Variants in GALNT11 observed in about 807,000 individuals in gnomAD.
The protein encoded by GALNT11 is UDP-GalNAc:polypeptide N-acetylgalactosaminyltransferase 11.
Under a neutral mutation model 72.7 loss-of-function variants are expected in GALNT11, and 47 were observed. The ratio of observed to expected loss-of-function variants is 0.65; its 90% CI spans 0.51 to 0.82. GALNT11 has a LOEUF of 0.82. Ranked by LOEUF, GALNT11 falls within the 40% of genes least tolerant of loss-of-function variation. GALNT11 has a pLI of 0.00. For missense variants in GALNT11, 677 were observed against 778.4 expected (o/e 0.87, Z 1.55); for synonymous variants, 270 against 286.6 (o/e 0.94, Z 0.58).
intron 1 of GALNT11, among the ~76,000 whole-genome samples, chr7:152,049,454 C>T (rs988131308): frequency 1.3e-5 from 2 of 152,144 alleles, no homozygotes; most frequent in African/African-American, 4.8e-5. Context: ...GGTAGAGATG[C>T]TTTTTGTCTT....
At chr7:152,099,530 GT>G (rs1009548038) in intron 2 of GALNT11, among the ~76,000 whole-genome samples, 259 of 57,764 alleles carry the variant, frequency 4.5e-3, no homozygotes, top group African/African-American at 0.016. Flanking sequence ...CTCCCGCCTA[GT>G]TTTTTTTTTT....
rs140519995 is a variant in GALNT11, at chr7:152,069,188, G to A, written c.-38-25002G>A. Among the ~76,000 whole-genome samples, 221 of 152,204 alleles carry A rather than the reference G, an allele frequency of 1.5e-3. 1 individual carries two copies. Among genetic ancestry groups the A allele is most frequent in the African/African-American group, 5.1e-3 (211 of 41,552 alleles). On this transcript the variant is annotated intron_variant, in intron 1 of 11. Transcript: ENST00000430044. Reference sequence around the variant, plus strand: ...ATTGTTTAATTTTTGAGACTTCTTAGACCCATGGGTTATTTAGAAATGTGT... The same window carrying A: ...ATTGTTTAATTTTTGAGACTTCTTAAACCCATGGGTTATTTAGAAATGTGT...
At chr7:152,040,472 A>G (rs1293806221) in intron 1 of GALNT11, among the ~76,000 whole-genome samples, 1 of 152,198 alleles carries the variant, frequency 6.6e-6, no homozygotes, top group African/African-American at 2.4e-5. Context: ...AGGCATTAAC[A>G]TGGGTTAAAT....
chr7:152,097,473 A>G (rs747655319), intron 2 of GALNT11, among the ~76,000 whole-genome samples: 4 of 152,200 alleles, frequency 2.6e-5, no homozygotes, highest in Admixed American at 6.6e-5. Context: ...TAGAATTATC[A>G]TATAACCCAG....
intron 9 of GALNT11, 171 bp from the exon 10 acceptor site, chr7:152,118,507 G>A: frequency 1.8e-6 from 1 of 561,576 alleles, no homozygotes; most frequent in Non-Finnish European, 3.1e-6. Flanking sequence ...CTATCTTGAT[G>A]CTCCTGTGTT....
chr7:152,053,364 T>G (rs1368713031), intron 1 of GALNT11, among the ~76,000 whole-genome samples: 1 of 152,194 alleles, frequency 6.6e-6, no homozygotes, highest in Non-Finnish European at 1.5e-5. Context: ...AAACTGAAAA[T>G]GTACAGGTTG....
intron 1 of GALNT11, among the ~76,000 whole-genome samples, chr7:152,031,622 A>G (rs944503584): frequency 1.3e-5 from 2 of 152,182 alleles, no homozygotes; most frequent in Non-Finnish European, 2.9e-5. Context: ...TTGCTACTAC[A>G]TCAATTTCCT....
At chr7:152,121,409 C>A in intron 11 of GALNT11, 137 bp from the exon 12 acceptor site, 7 of 966,620 alleles carry the variant, frequency 7.2e-6, no homozygotes, top group Non-Finnish European at 1.1e-5. Context: ...AGATAACAAA[C>A]AGCAGAAAAC....
At chr7:152,079,811 T>A (rs916482090) in intron 1 of GALNT11, among the ~76,000 whole-genome samples, 5 of 152,250 alleles carry the variant, frequency 3.3e-5, no homozygotes, top group Admixed American at 2.6e-4. Flanking sequence ...TGTTGTAAAT[T>A]AATATTTGTA....
intron 1 of GALNT11, among the ~76,000 whole-genome samples, chr7:152,028,670 C>T (rs1406235116): frequency 3.9e-5 from 6 of 152,148 alleles, no homozygotes; most frequent in African/African-American, 1.2e-4. Flanking sequence ...GCCAGCTTCA[C>T]CTCTCAATCC....
intron 5 of GALNT11, among the ~76,000 whole-genome samples, chr7:152,106,558 T>C (rs1587408470): frequency 1.3e-5 from 2 of 152,340 alleles, no homozygotes; most frequent in East Asian, 3.9e-4. Flanking sequence ...AAAAACTTAC[T>C]GAATTGGCTG....
intron 1 of GALNT11, among the ~76,000 whole-genome samples, chr7:152,071,100 G>A (rs1421464749): frequency 6.6e-6 from 1 of 152,256 alleles, no homozygotes; most frequent in Non-Finnish European, 1.5e-5. Flanking sequence ...AATTAAAATT[G>A]CTAATGAAGT....
Position 152,061,547 on chromosome 7 carries a change from G to C in GALNT11, c.-38-32643G>C, listed in dbSNP as rs536445727. Among the ~76,000 whole-genome samples the C allele has an allele frequency of 9.2e-3, 1,394 of 151,712 alleles. 12 individuals are homozygous for C. The highest frequency in any genetic ancestry group is 0.027 in the Middle Eastern group (8 of 294). On this transcript the variant is annotated intron_variant, in intron 1 of 11. Transcript: ENST00000430044. ...TGGTGTTTTAGACATGAAGTCCTTG[G>C]CCATGCCTATGTCCTGAATGGTATT...
rs370462084 is a variant in GALNT11 at position 152,034,585 on chromosome 7, G to A, written c.-39+8701G>A. On this transcript the variant is annotated intron_variant, in intron 1 of 11. Coordinates refer to ENST00000430044, the MANE Select transcript of GALNT11 (RefSeq NM_022087.4). ...TGTTTCCCATCTGAAAGACAAAACC[G>A]CCCGCAGTTTTGGTTTGTTTGTTTC... is the stretch of plus-strand genomic sequence containing the variant. Among the ~76,000 whole-genome samples the A allele has an allele frequency of 8.5e-4, 130 of 152,194 alleles. 1 individual carries two copies. Among genetic ancestry groups the A allele is most frequent in the African/African-American group, 2.9e-3 (121 of 41,512 alleles).
At chr7:152,038,225 G>A (rs1285858438) in intron 1 of GALNT11, among the ~76,000 whole-genome samples, 1 of 152,118 alleles carries the variant, frequency 6.6e-6, no homozygotes, top group Non-Finnish European at 1.5e-5. Flanking sequence ...GGGAAATCAG[G>A]GGCCTCACAG....
intron 1 of GALNT11, among the ~76,000 whole-genome samples, chr7:152,068,057 A>G (rs2084416384): frequency 6.6e-6 from 1 of 152,092 alleles, no homozygotes; most frequent in Admixed American, 6.5e-5. Flanking sequence ...ATTCACCCCC[A>G]TGATCCAAGC....
intron 1 of GALNT11, among the ~76,000 whole-genome samples, chr7:152,072,283 C>T (rs1242001022): frequency 1.3e-5 from 2 of 149,830 alleles, no homozygotes; most frequent in African/African-American, 4.9e-5. Context: ...TGTGCCACTT[C>T]CAGCCTAGGT....
intron 1 of GALNT11, among the ~76,000 whole-genome samples, chr7:152,087,387 G>C (rs2085716577): frequency 6.6e-6 from 1 of 152,230 alleles, no homozygotes; most frequent in Non-Finnish European, 1.5e-5. Flanking sequence ...TGAAGAGCCA[G>C]TGCATAGTCC....
At chr7:152,081,911 C>A (rs1300250886) in intron 1 of GALNT11, among the ~76,000 whole-genome samples, 1 of 152,154 alleles carries the variant, frequency 6.6e-6, no homozygotes, top group Non-Finnish European at 1.5e-5. Flanking sequence ...TAATTAGCAA[C>A]TAATAAAAAT....
Sources: allele counts gnomAD v4.1 joint callset (sites outside exome capture counted in the v4.1 genomes callset), GRCh38; gene constraint gnomAD v4.1.1; transcripts MANE v1.5; gene names NCBI Gene and HGNC (gene_info 2026-07-23, HGNC 2026-07-21).